Variants in KCNQ5 observed in about 807,000 individuals in gnomAD.
KCNQ5 encodes potassium voltage-gated channel subfamily Q member 5.
A neutral mutation model predicts 98.2 loss-of-function variants in KCNQ5; 30 were observed. The ratio of observed to expected loss-of-function variants is 0.31; its 90% confidence interval spans 0.23 to 0.41. The LOEUF is 0.41. Among genes scored for constraint, KCNQ5 ranks in the 10% least tolerant of loss-of-function variants. KCNQ5 has a pLI of 1.00. For missense variants in KCNQ5, 835 were observed against 1,182.5 expected, an observed-to-expected ratio of 0.71 and a Z score of 4.31; for synonymous variants, 458 against 449.4, an observed-to-expected ratio of 1.02 and a Z score of -0.24.
At chr6:72,984,393 T>A (rs1165474928) in intron 1 of KCNQ5, among the ~76,000 whole-genome samples, 1 of 152,158 alleles carries the variant, frequency 6.6e-6, no homozygotes, top group Non-Finnish European at 1.5e-5. Context: ...GCTGCTTTGT[T>A]TACCTACTCA....
chr6:72,625,742 T>C (rs1370457276), intron 1 of KCNQ5, among the ~76,000 whole-genome samples: 1 of 152,220 alleles, frequency 6.6e-6, no homozygotes, highest in Admixed American at 6.5e-5. Flanking sequence ...TCTGAAGTCA[T>C]CCTTTTTCTC....
rs370718782 is a variant in KCNQ5 at position 73,136,971 on chromosome 6, G to T, written c.1468+3330G>T. On this transcript the variant is annotated intron_variant, in intron 10 of 13. Coordinates refer to ENST00000370398, the MANE Select transcript of KCNQ5 (RefSeq NM_019842.4). ...CCTCACATATTTTCAGCATTCCATT[G>T]CCCATTAACATGCTCAGGAGAATAG... Among the ~76,000 whole-genome samples, 7 of 151,928 alleles carry T rather than the reference G, an allele frequency of 4.6e-5. No homozygotes were observed. In the East Asian group the frequency reaches 1.2e-3, roughly 25 times the overall value.
intron 1 of KCNQ5, among the ~76,000 whole-genome samples, chr6:72,995,258 C>T (rs932859886): frequency 2.6e-5 from 4 of 151,244 alleles, no homozygotes; most frequent in African/African-American, 4.9e-5. Context: ...GTCCCAGTTA[C>T]TTGGGAGGCT....
chr6:72,679,594 G>T (rs563569155), intron 1 of KCNQ5, among the ~76,000 whole-genome samples: 25 of 148,746 alleles, frequency 1.7e-4, no homozygotes, highest in South Asian at 1.5e-3. Context: ...GAGGGGAGAG[G>T]GATAGTTTTA....
chr6:72,677,875 A>G (rs558854272), intron 1 of KCNQ5, among the ~76,000 whole-genome samples: 1 of 152,296 alleles, frequency 6.6e-6, no homozygotes, highest in Non-Finnish European at 1.5e-5. Context: ...TGGATACCAC[A>G]TGTCTTAGGT....
chr6:72,803,658 A>C (rs1774781608), intron 1 of KCNQ5, among the ~76,000 whole-genome samples: 1 of 152,102 alleles, frequency 6.6e-6, no homozygotes, highest in South Asian at 2.1e-4. Context: ...AAATACTCCT[A>C]ATATGTTCAC....
At chr6:73,109,209 G>A (rs1157230640) in intron 6 of KCNQ5, among the ~76,000 whole-genome samples, 4 of 152,266 alleles carry the variant, frequency 2.6e-5, no homozygotes, top group South Asian at 2.1e-4. Context: ...ATATGTTTCC[G>A]AGCAATGCCA....
At chr6:72,623,751 GT>G (rs1398764729) in intron 1 of KCNQ5, among the ~76,000 whole-genome samples, 2 of 152,114 alleles carry the variant, frequency 1.3e-5, no homozygotes, top group African/African-American at 4.8e-5. Context: ...AGTAGAGAAA[GT>G]TGCAGATACT....
intron 1 of KCNQ5, among the ~76,000 whole-genome samples, chr6:72,627,322 G>T (rs1013484326): frequency 6.6e-6 from 1 of 152,124 alleles, no homozygotes; most frequent in Non-Finnish European, 1.5e-5. Context: ...GCTAGAGACT[G>T]GGGAACACCA....
chr6:72,957,293 C>T (rs1308620821), intron 1 of KCNQ5, among the ~76,000 whole-genome samples: 3 of 151,568 alleles, frequency 2.0e-5, no homozygotes, highest in Admixed American at 1.3e-4. Flanking sequence ...GCCTCAGCCT[C>T]CCTAGTAGCT....
chr6:73,055,115 G>C, intron 3 of KCNQ5: 1 of 748,492 alleles, frequency 1.3e-6, no homozygotes, highest in Non-Finnish European at 2.5e-6. Flanking sequence ...CTACAAACTG[G>C]TGCAGATCCA....
In KCNQ5 at chr6:72,981,495, G is replaced by A. The variant is rs563449493; in HGVS notation, c.399-22413G>A. Among the ~76,000 whole-genome samples the A allele has an allele frequency of 6.1e-4, 33 of 54,120 alleles. 1 individual carries two copies. Among genetic ancestry groups the A allele is most frequent in the Admixed American group, 3.9e-3 (16 of 4,068 alleles). 35.5% of individuals were successfully genotyped at this position (54,120 alleles called of 152,430 possible). ...TGGTAGTTTGTATTTCTGTGGGATC[G>A]GTGGTGATATCCCCTTTTCATTTTT... is the stretch of plus-strand genomic sequence containing the variant. On this transcript the variant is annotated intron_variant, in intron 1 of 13. Transcript: ENST00000370398.
At chr6:73,020,837 A>G (rs1770570312) in intron 2 of KCNQ5, among the ~76,000 whole-genome samples, 1 of 152,106 alleles carries the variant, frequency 6.6e-6, no homozygotes, top group Admixed American at 6.6e-5. Context: ...ACACCTTGCT[A>G]CACACAGGCT....
intron 1 of KCNQ5, among the ~76,000 whole-genome samples, chr6:72,825,997 C>T (rs1430444091): frequency 1.3e-5 from 2 of 152,068 alleles, no homozygotes; most frequent in African/African-American, 4.8e-5. Flanking sequence ...AAGCGTTGTG[C>T]CTGCAAGCAA....
At chr6:73,123,978 G>C (rs1562192680) in intron 8 of KCNQ5, among the ~76,000 whole-genome samples, 1 of 152,152 alleles carries the variant, frequency 6.6e-6, no homozygotes, top group African/African-American at 2.4e-5. Flanking sequence ...TAGGCTAAAA[G>C]AGTTTTGGTA....
intron 1 of KCNQ5, among the ~76,000 whole-genome samples, chr6:72,729,829 G>A (rs191099283): frequency 2.6e-5 from 4 of 152,246 alleles, no homozygotes; most frequent in African/African-American, 7.2e-5. Flanking sequence ...CTTATACTGG[G>A]CCTATATTTT....
At chr6:72,858,999 G>A (rs182221876) in intron 1 of KCNQ5, among the ~76,000 whole-genome samples, 2 of 150,820 alleles carry the variant, frequency 1.3e-5, no homozygotes, top group African/African-American at 2.4e-5. Flanking sequence ...CAATTTTTAC[G>A]AGTCTATACA....
rs1026407821 is a variant in KCNQ5, at chr6:72,852,640, A to AATAAATAAATAT, written c.399-151265_399-151264insAATAAATATATA. Reference sequence around the variant, plus strand: ...AGTGGAGAGAAGGAGATGAAGGGGAAATATATATATATATATATATAAATG... The same window carrying AATAAATAAATAT: ...AGTGGAGAGAAGGAGATGAAGGGGAAATAAATAAATATATATATATATATATATATATAAATG... On this transcript the variant is annotated intron_variant, in intron 1 of 13. Coordinates refer to ENST00000370398, the MANE Select transcript of KCNQ5 (RefSeq NM_019842.4). Among the ~76,000 whole-genome samples the AATAAATAAATAT allele has an allele frequency of 2.1e-4, 12 of 56,800 alleles. 1 individual carries two copies. Among genetic ancestry groups the AATAAATAAATAT allele is most frequent in the South Asian group, 6.9e-4 (1 of 1,450 alleles). The allele number at this position is 56,800 out of a possible 152,430, so 37.3% of individuals were successfully genotyped here. A position where few individuals can be genotyped will look rare whatever the true frequency, so the allele number is the denominator to read the frequency against.
In KCNQ5 at chr6:73,168,342, G is replaced by A. The variant is rs1330338402; in HGVS notation, c.1469-1404G>A. On this transcript the variant is annotated intron_variant, in intron 10 of 13. Transcript: ENST00000370398. The stretch of plus-strand genomic sequence containing the variant: ...GCAAATGAACACTGCACAGAGCAAA[G>A]GCAACACAAAGTAGTATTAGTCCTC... Among the ~76,000 whole-genome samples the A allele has an allele frequency of 2.0e-5, 3 of 152,174 alleles. No individual in the cohort carries two copies. In the South Asian group the frequency reaches 6.2e-4, roughly 32 times the overall value.
Sources: allele counts gnomAD v4.1 joint callset (sites outside exome capture counted in the v4.1 genomes callset), GRCh38; gene constraint gnomAD v4.1.1; transcripts MANE v1.5; gene names NCBI Gene and HGNC (gene_info 2026-07-23, HGNC 2026-07-21).